Variants in PRELID2 observed in about 807,000 individuals in gnomAD.
PRELID2 encodes PRELI domain containing 2.
Under a neutral mutation model 28.4 loss-of-function variants are expected in PRELID2, and 25 were observed. The observed-to-expected ratio is 0.88, with a 90% CI of 0.64 to 1.23. The LOEUF (loss-of-function observed/expected upper bound fraction) is 1.23, where lower values mean the gene tolerates loss of function less well. PRELID2 is among the 50% of genes most tolerant of loss of function. The pLI is 0.00. For synonymous variants in PRELID2, 76 were observed against 71.6 expected, an observed-to-expected ratio of 1.06 and a Z score of -0.31; for missense variants, 201 against 214.4, an observed-to-expected ratio of 0.94 and a Z score of 0.39.
At chr5:145,284,684 T>G in the PRELID2 span, among the ~76,000 whole-genome samples, 14 of 152,082 alleles carry the variant, frequency 9.2e-5, no homozygotes, top group African/African-American at 3.4e-4. Flanking sequence ...ATTCAGCTAT[T>G]TAAATCCCAA....
At chr5:145,709,936 A>G (rs1021344817) in intron 1 of PRELID2, among the ~76,000 whole-genome samples, 3 of 152,172 alleles carry the variant, frequency 2.0e-5, no homozygotes, top group African/African-American at 7.2e-5. Context: ...GATTATTCCA[A>G]CCCATTTAAT....
At chr5:145,554,393 G>C (rs1456238324) in intron 1 of PRELID2, among the ~76,000 whole-genome samples, 1 of 152,164 alleles carries the variant, frequency 6.6e-6, no homozygotes, top group Non-Finnish European at 1.5e-5. Context: ...TGGCACTTAA[G>C]ATGCATAATG....
intron 1 of PRELID2, among the ~76,000 whole-genome samples, chr5:145,606,873 T>G (rs1166333194): frequency 6.6e-6 from 1 of 152,070 alleles, no homozygotes. Context: ...AGAATTTGGC[T>G]GCGCTTTTTC....
intron 1 of PRELID2, among the ~76,000 whole-genome samples, chr5:145,481,703 C>T (rs1752163953): frequency 7.1e-6 from 1 of 140,816 alleles, no homozygotes; most frequent in Non-Finnish European, 1.5e-5. Flanking sequence ...AAAGGAAGTA[C>T]CAATAGAATT....
chr5:145,354,408 A>T, the PRELID2 span, among the ~76,000 whole-genome samples: 1 of 152,146 alleles, frequency 6.6e-6, no homozygotes, highest in Admixed American at 6.6e-5. Flanking sequence ...AGGTAACAAC[A>T]CTCAGGATCC....
In PRELID2 at chr5:145,741,223, T is replaced by TAA. The variant is rs1756715235; in HGVS notation, n.70+23707_70+23708insTT. ...CAGATATAAATATATATAAAATATA[T>TAA]ATATAATATATAATATAAATATATA... is the stretch of plus-strand genomic sequence containing the variant. On this transcript the variant is annotated intron_variant and non_coding_transcript_variant, in intron 1 of 2. Transcript: ENST00000510259. Among the ~76,000 whole-genome samples the TAA allele has an allele frequency of 9.8e-5, 11 of 112,338 alleles. No homozygotes were observed. In the South Asian group the frequency reaches 2.5e-3, roughly 26 times the overall value. The allele number at this position is 112,338 out of a possible 152,430, so 73.7% of individuals were successfully genotyped here.
At chr5:145,687,203 G>A (rs1755054299) in intron 1 of PRELID2, among the ~76,000 whole-genome samples, 1 of 152,198 alleles carries the variant, frequency 6.6e-6, no homozygotes, top group African/African-American at 2.4e-5. Context: ...TTCTTCTGGG[G>A]ATGAAACTAT....
intron 1 of PRELID2, among the ~76,000 whole-genome samples, chr5:145,684,886 G>A (rs1459632122): frequency 6.6e-6 from 1 of 152,148 alleles, no homozygotes; most frequent in African/African-American, 2.4e-5. Flanking sequence ...AGGATTTGAG[G>A]TCACAGCTTT....
chr5:145,457,697 C>T, the PRELID2 span, among the ~76,000 whole-genome samples: 38 of 152,262 alleles, frequency 2.5e-4, no homozygotes, highest in Non-Finnish European at 5.0e-4. Context: ...TTTTCTACCT[C>T]CAAAGCTTTT....
the PRELID2 span, among the ~76,000 whole-genome samples, chr5:145,415,561 G>A: frequency 6.7e-6 from 1 of 150,052 alleles, no homozygotes; most frequent in Non-Finnish European, 1.5e-5. Flanking sequence ...ATAGTTTACT[G>A]AGAATGATGA....
At chr5:145,802,548 A>G (rs1753205539) in intron 4 of PRELID2, among the ~76,000 whole-genome samples, 1 of 152,186 alleles carries the variant, frequency 6.6e-6, no homozygotes, top group Admixed American at 6.5e-5. Flanking sequence ...ATACATCTCA[A>G]TACTTGTGTC....
chr5:145,374,933 C>A, the PRELID2 span, among the ~76,000 whole-genome samples: 7 of 152,150 alleles, frequency 4.6e-5, no homozygotes, highest in African/African-American at 1.7e-4. Flanking sequence ...GAACATGCTA[C>A]TTCAGCTCAG....
the PRELID2 span, among the ~76,000 whole-genome samples, chr5:145,426,453 T>A: frequency 1.3e-5 from 2 of 152,128 alleles, no homozygotes; most frequent in Non-Finnish European, 2.9e-5. Flanking sequence ...AGAATCTACA[T>A]CTAACTTTTG....
chr5:145,369,713 G>T, the PRELID2 span, among the ~76,000 whole-genome samples: 5 of 152,016 alleles, frequency 3.3e-5, no homozygotes, highest in Non-Finnish European at 5.9e-5. Context: ...TTCCACAATG[G>T]TTGAACTAAT....
chr5:145,755,927 A>G (rs1757244929), downstream of PRELID2, among the ~76,000 whole-genome samples: 1 of 152,218 alleles, frequency 6.6e-6, no homozygotes, highest in African/African-American at 2.4e-5. Flanking sequence ...AACACATTCA[A>G]GTAAAATGAG....
At position 145,740,882 on chromosome 5, in the gene PRELID2, GTA is replaced by G. The variant is rs1561566930; in HGVS notation, n.70+24047_70+24048del. ...CATATATTTATCGATAAATATATAT[GTA>G]CATATATTTATCGATAAATATATAT... is the stretch of plus-strand genomic sequence containing the variant. On this transcript the variant is annotated intron_variant and non_coding_transcript_variant, in intron 1 of 2. Coordinates refer to the PRELID2 transcript ENST00000510259. Among the ~76,000 whole-genome samples the G allele has an allele frequency of 4.0e-3, 378 of 93,624 alleles. 67 individuals are homozygous for G. The highest frequency in any genetic ancestry group is 6.0e-3 in the Non-Finnish European group (319 of 53,154). The allele number at this position is 93,624 out of a possible 152,430, so 61.4% of individuals were successfully genotyped here. A position where few individuals can be genotyped will look rare whatever the true frequency, so the allele number is the denominator to read the frequency against.
chr5:145,353,332 G>T, the PRELID2 span, among the ~76,000 whole-genome samples: 1 of 151,986 alleles, frequency 6.6e-6, no homozygotes, highest in African/African-American at 2.4e-5. Flanking sequence ...GTGTGGTAGG[G>T]CACACCTGTA....
chr5:145,825,174 C>T (rs1324362703), intron 1 of PRELID2, among the ~76,000 whole-genome samples: 2 of 127,460 alleles, frequency 1.6e-5, no homozygotes, highest in African/African-American at 3.0e-5. Flanking sequence ...TGCAGTGAGC[C>T]GAGATCATGC....
At chr5:145,687,762 T>C (rs990480401) in intron 1 of PRELID2, among the ~76,000 whole-genome samples, 3 of 152,204 alleles carry the variant, frequency 2.0e-5, no homozygotes, top group Non-Finnish European at 4.4e-5. Flanking sequence ...CCAATCATTG[T>C]CCACAAACTA....
Sources: gnomAD v4.1 joint callset for allele counts (sites outside exome capture counted in the v4.1 genomes callset) on GRCh38, gnomAD v4.1.1 for gene constraint, MANE v1.5 for transcripts, NCBI Gene and HGNC (gene_info 2026-07-23, HGNC 2026-07-21) for gene names.